Variants in MITF observed in about 807,000 individuals in gnomAD.
MITF encodes melanocyte inducing transcription factor.
Under a neutral mutation model 60.5 loss-of-function variants are expected in MITF, and 17 were observed. The observed-to-expected ratio is 0.28, with a 90% confidence interval of 0.19 to 0.42. The LOEUF (loss-of-function observed/expected upper bound fraction) is 0.42, where lower values mean the gene tolerates loss of function less well. MITF is among the 10% of genes least tolerant of loss of function. The pLI, the probability that MITF is intolerant of heterozygous loss-of-function variation, is 1.00. For missense variants in MITF, 622 were observed against 683.5 expected (o/e 0.91, Z 1.00); for synonymous variants, 260 against 248.5 (o/e 1.05, Z -0.43).
chr3:69,793,879 A>G (rs765735751), intron 1 of MITF, among the ~76,000 whole-genome samples: 1 of 152,282 alleles, frequency 6.6e-6, no homozygotes, highest in East Asian at 1.9e-4. Flanking sequence ...CTCATTTATA[A>G]GTTGTGCTAT....
chr3:69,922,336 C>T (rs2065486835), intron 2 of MITF, among the ~76,000 whole-genome samples: 1 of 152,122 alleles, frequency 6.6e-6, no homozygotes, highest in African/African-American at 2.4e-5. Flanking sequence ...ATTCTCCTGC[C>T]TCAGCCTCCC....
chr3:69,791,318 G>A (rs2062736744), intron 1 of MITF, among the ~76,000 whole-genome samples: 2 of 152,150 alleles, frequency 1.3e-5, no homozygotes, highest in African/African-American at 4.8e-5. Flanking sequence ...CTCCATGATC[G>A]CTGAAGAGCT....
At chr3:69,832,480 T>A (rs968984050) in intron 1 of MITF, among the ~76,000 whole-genome samples, 1 of 152,244 alleles carries the variant, frequency 6.6e-6, no homozygotes, top group Non-Finnish European at 1.5e-5. Context: ...TGTGATGTTT[T>A]TTTCAGGGTT....
At chr3:69,811,953 C>A (rs537511115) in intron 1 of MITF, among the ~76,000 whole-genome samples, 2 of 152,138 alleles carry the variant, frequency 1.3e-5, no homozygotes, top group Non-Finnish European at 2.9e-5. Context: ...CAGGGCCCCA[C>A]CTGTATTTAA....
chr3:69,784,769 A>G (rs2062621327), intron 1 of MITF, among the ~76,000 whole-genome samples: 2 of 152,206 alleles, frequency 1.3e-5, no homozygotes, highest in African/African-American at 4.8e-5. Flanking sequence ...TAAGCCAGGC[A>G]ATGAATTTAG....
chr3:69,806,949 T>C (rs1006274265), intron 1 of MITF, among the ~76,000 whole-genome samples: 1 of 152,238 alleles, frequency 6.6e-6, no homozygotes, highest in Non-Finnish European at 1.5e-5. Context: ...GAAATTCTGA[T>C]GCACAGCTTC....
chr3:69,772,987 G>T (rs2062416035), intron 1 of MITF, among the ~76,000 whole-genome samples: 1 of 152,174 alleles, frequency 6.6e-6, no homozygotes, highest in South Asian at 2.1e-4. Flanking sequence ...TATGCTAAAT[G>T]CTGGTAAGTG....
At chr3:69,767,359 G>C (rs775911856) in intron 1 of MITF, among the ~76,000 whole-genome samples, 6 of 152,120 alleles carry the variant, frequency 3.9e-5, no homozygotes, top group Non-Finnish European at 8.8e-5. Context: ...TGAGGTGGGT[G>C]GGTCACTTGA....
At chr3:69,758,361 G>A (rs2106793334) in intron 1 of MITF, among the ~76,000 whole-genome samples, 1 of 151,600 alleles carries the variant, frequency 6.6e-6, no homozygotes, top group South Asian at 2.1e-4. Context: ...TCTAAGGTTG[G>A]GATCTTGCTT....
intron 1 of MITF, among the ~76,000 whole-genome samples, chr3:69,878,453 C>T (rs1201548729): frequency 1.3e-5 from 2 of 152,010 alleles, no homozygotes; most frequent in Admixed American, 6.6e-5. Flanking sequence ...AGAGGGCATG[C>T]CAAGGTGAAT....
At chr3:69,917,598 C>A (rs983204310) in intron 2 of MITF, among the ~76,000 whole-genome samples, 2 of 152,062 alleles carry the variant, frequency 1.3e-5, no homozygotes, top group African/African-American at 2.4e-5. Context: ...CCATTTCTAT[C>A]CCTTGGAATC....
intron 1 of MITF, among the ~76,000 whole-genome samples, chr3:69,747,228 C>G (rs1703761780): frequency 6.6e-6 from 1 of 152,132 alleles, no homozygotes; most frequent in Admixed American, 6.5e-5. Flanking sequence ...AACAATGAAC[C>G]AAATACATGA....
chr3:69,808,918 T>G (rs2063056153), intron 1 of MITF, among the ~76,000 whole-genome samples: 1 of 151,712 alleles, frequency 6.6e-6, no homozygotes, highest in Non-Finnish European at 1.5e-5. Flanking sequence ...ATGGGTAGGG[T>G]GAAGTGGGGC....
chr3:69,771,621 G>C (rs1304965780), intron 1 of MITF, among the ~76,000 whole-genome samples: 1 of 152,184 alleles, frequency 6.6e-6, no homozygotes, highest in Non-Finnish European at 1.5e-5. Context: ...TGAGAATACT[G>C]GAAAGTAAGT....
chr3:69,741,868 T>G (rs922820319), intron 1 of MITF, among the ~76,000 whole-genome samples: 1 of 152,216 alleles, frequency 6.6e-6, no homozygotes, highest in African/African-American at 2.4e-5. Context: ...CAGGGCCTTC[T>G]CTCTCATTGC....
intron 1 of MITF, among the ~76,000 whole-genome samples, chr3:69,775,094 C>A (rs1352917196): frequency 6.6e-6 from 1 of 152,168 alleles, no homozygotes; most frequent in Non-Finnish European, 1.5e-5. Flanking sequence ...CTCCTTGCCC[C>A]TCATCTGAAT....
intron 1 of MITF, among the ~76,000 whole-genome samples, chr3:69,836,331 C>A (rs1273138755): frequency 6.6e-6 from 1 of 152,040 alleles, no homozygotes; most frequent in Non-Finnish European, 1.5e-5. Context: ...TTGTATCCTG[C>A]AACATTATTG....
intron 2 of MITF, among the ~76,000 whole-genome samples, chr3:69,918,782 TA>T (rs1232152500): frequency 2.6e-5 from 4 of 152,212 alleles, no homozygotes; most frequent in Admixed American, 2.6e-4. Flanking sequence ...AGATGCTCAA[TA>T]AAAGTTAACC....
chr3:69,890,938 G>T (rs976170564), intron 2 of MITF, among the ~76,000 whole-genome samples: 1 of 152,126 alleles, frequency 6.6e-6, no homozygotes. Context: ...AAGCAAGAAA[G>T]CCAAGGGAGC....
Sources: allele counts gnomAD v4.1 joint callset (sites outside exome capture counted in the v4.1 genomes callset), GRCh38; gene constraint gnomAD v4.1.1; transcripts MANE v1.5; gene names NCBI Gene and HGNC (gene_info 2026-07-23, HGNC 2026-07-21).